DCAF17: variants seen among roughly 807,000 people sequenced by gnomAD.
DCAF17 encodes DDB1- and CUL4-associated factor 17.
Under a neutral mutation model 66.0 loss-of-function variants are expected in DCAF17, and 48 were observed. The observed-to-expected ratio is 0.73, with a 90% confidence interval of 0.58 to 0.92. The LOEUF is 0.92. DCAF17 is among the 40% of genes least tolerant of loss of function. DCAF17 has a pLI of 0.00. For synonymous variants in DCAF17, 206 were observed against 214.6 expected (o/e 0.96, Z 0.35); for missense variants, 562 against 622.8 (o/e 0.90, Z 1.04).
chr2:171,445,012 C>T (rs987150513), intron 3 of DCAF17, among the ~76,000 whole-genome samples: 12 of 152,050 alleles, frequency 7.9e-5, no homozygotes, highest in South Asian at 2.1e-4. Context: ...CAATTTAAAG[C>T]TTTTTGATCC....
At chr2:171,439,511 CTTTTTTT>C (rs374646610) in intron 2 of DCAF17, among the ~76,000 whole-genome samples, 9 of 94,768 alleles carry the variant, frequency 9.5e-5, no homozygotes, top group South Asian at 3.7e-4. Flanking sequence ...CTTTTTTTTC[CTTTTTTT>C]TTTTTTTTTT....
chr2:171,455,535 G>A (rs140018349), intron 6 of DCAF17, among the ~76,000 whole-genome samples: 1,806 of 152,312 alleles, frequency 0.012, 43 homozygotes, highest in African/African-American at 0.041. Context: ...ACCCAGTAAT[G>A]GGATTGCAGG....
At chr2:171,446,431 A>G (rs1441704985) in intron 3 of DCAF17, among the ~76,000 whole-genome samples, 3 of 152,060 alleles carry the variant, frequency 2.0e-5, no homozygotes, top group African/African-American at 7.2e-5. Context: ...CTGTAATCCC[A>G]GATACTCGGG....
Position 171,482,966 on chromosome 2 carries a change from T to C in DCAF17, c.*1852T>C, listed in dbSNP as rs1191323805. On this transcript the variant is annotated 3_prime_UTR_variant, in exon 14 of 14. Coordinates refer to ENST00000375255, the MANE Select transcript of DCAF17 (RefSeq NM_025000.4). ...AAAGACAGTAAGGAGTTGTGGGCAGTGTAACAAACAGGAGAGCTATGCCCC... is the reference window on the plus strand; with the variant it reads ...AAAGACAGTAAGGAGTTGTGGGCAGCGTAACAAACAGGAGAGCTATGCCCC... The C allele has an allele frequency of 1.1e-5, 5 of 454,110 alleles. No individual in the cohort carries two copies. The Admixed American group carries it at 1.2e-4, about 11-fold the overall frequency. 28.1% of individuals were successfully genotyped at this position (454,110 alleles called of 1,614,324 possible).
intron 8 of DCAF17, among the ~76,000 whole-genome samples, chr2:171,465,578 G>T (rs888210455): frequency 2.0e-5 from 3 of 152,082 alleles, no homozygotes; most frequent in African/African-American, 7.2e-5. Flanking sequence ...CCACTCCTTG[G>T]TTCAACCAAT....
intron 9 of DCAF17, among the ~76,000 whole-genome samples, chr2:171,471,708 A>T (rs1036171423): frequency 2.6e-5 from 4 of 152,206 alleles, no homozygotes; most frequent in African/African-American, 9.6e-5. Context: ...AATGTATTAC[A>T]TTCCAAAAAA....
At chr2:171,437,310 A>G (rs1011279118) in intron 2 of DCAF17, among the ~76,000 whole-genome samples, 5 of 152,176 alleles carry the variant, frequency 3.3e-5, no homozygotes, top group African/African-American at 9.7e-5. Context: ...ACATGCAGCT[A>G]TACATTTGTC....
At chr2:171,471,974 C>T (rs1035794485) in intron 9 of DCAF17, among the ~76,000 whole-genome samples, 10 of 152,050 alleles carry the variant, frequency 6.6e-5, no homozygotes, top group African/African-American at 2.4e-4. Context: ...GAGATCACAC[C>T]ACTGCACTCC....
intron 8 of DCAF17, among the ~76,000 whole-genome samples, chr2:171,462,350 G>A (rs1249593004): frequency 1.3e-5 from 2 of 152,144 alleles, no homozygotes; most frequent in African/African-American, 4.8e-5. Context: ...TCCTTAATAT[G>A]TGAAGGGTTC....
At chr2:171,441,176 G>A (rs984822602) in intron 2 of DCAF17, among the ~76,000 whole-genome samples, 6 of 152,152 alleles carry the variant, frequency 3.9e-5, no homozygotes, top group Admixed American at 3.3e-4. Context: ...TCCACACTCT[G>A]TTGCAAATAA....
At chr2:171,477,930 C>G in intron 11 of DCAF17, 57 bp from the exon 12 acceptor site, 1 of 1,461,348 alleles carries the variant, frequency 6.8e-7, no homozygotes, top group Non-Finnish European at 9.6e-7. Flanking sequence ...TACAGTTTTA[C>G]CTTTGACTGC....
intron 2 of DCAF17, among the ~76,000 whole-genome samples, chr2:171,441,405 G>C (rs902027193): frequency 2.0e-5 from 3 of 151,998 alleles, no homozygotes; most frequent in African/African-American, 7.3e-5. Flanking sequence ...TAGAACTACT[G>C]TTTTCTAAGG....
chr2:171,455,537 G>A lies in DCAF17; in HGVS notation c.627+2324G>A, dbSNP rs1002843577. Among the ~76,000 whole-genome samples, 11 of 152,208 alleles carry A rather than the reference G, an allele frequency of 7.2e-5. No individual in the cohort carries two copies. In the East Asian group the frequency reaches 7.7e-4, roughly 11 times the overall value. The stretch of plus-strand genomic sequence containing the variant: ...CCTTTGGATATATACCCAGTAATGG[G>A]ATTGCAGGGTTAAATGGTATTTCTG... On this transcript the variant is annotated intron_variant, in intron 6 of 13. Coordinates refer to ENST00000375255, the MANE Select transcript of DCAF17 (RefSeq NM_025000.4).
At chr2:171,477,082 T>C in intron 11 of DCAF17, 132 bp downstream of exon 11, 2 of 693,070 alleles carry the variant, frequency 2.9e-6, no homozygotes, top group Non-Finnish European at 5.0e-6. Flanking sequence ...GTACATTTTG[T>C]CTACATGGGT....
intron 10 of DCAF17, 72 bp downstream of exon 10, chr2:171,474,047 C>A: frequency 7.8e-7 from 1 of 1,277,506 alleles, no homozygotes; most frequent in Non-Finnish European, 1.1e-6. Context: ...TTTATTTTTG[C>A]CAGCGAACTA....
intron 5 of DCAF17, among the ~76,000 whole-genome samples, chr2:171,452,697 C>T (rs747472144): frequency 2.6e-5 from 4 of 152,192 alleles, no homozygotes; most frequent in African/African-American, 9.7e-5. Flanking sequence ...CTCCTAGCCT[C>T]AAGCGATCCT....
chr2:171,460,096 G>A lies in DCAF17; in HGVS notation c.838+1619G>A, dbSNP rs189464285. On this transcript the variant is annotated intron_variant, in intron 8 of 13. Coordinates refer to ENST00000375255, the MANE Select transcript of DCAF17 (RefSeq NM_025000.4). The stretch of plus-strand genomic sequence containing the variant: ...TTCCAGCACTTTGGGAGGCTGAGGC[G>A]GGTGGATCACGAGGTCAGGAGTTCG... Among the ~76,000 whole-genome samples the A allele has an allele frequency of 5.4e-3, 813 of 151,952 alleles. 2 individuals carry two copies. Among genetic ancestry groups the A allele is most frequent in the Non-Finnish European group, 9.2e-3 (626 of 67,938 alleles).
At position 171,482,217 on chromosome 2, in the gene DCAF17, G is replaced by C; in HGVS notation, c.*1103G>C. 1 of 453,562 alleles carries C rather than the reference G, an allele frequency of 2.2e-6. No individual in the cohort carries two copies. Among genetic ancestry groups the C allele is most frequent in the South Asian group, 1.6e-5 (1 of 64,250 alleles). 28.1% of individuals were successfully genotyped at this position (453,562 alleles called of 1,614,324 possible). A position where few individuals can be genotyped will look rare whatever the true frequency, so the allele number is the denominator to read the frequency against. On this transcript the variant is annotated 3_prime_UTR_variant, in exon 14 of 14. Transcript: ENST00000375255. Reference sequence around the variant, plus strand: ...TGAGAAATTCAGTTGCTTCCATTTCGCATGTTCTGCACATTTATCCGATGT... The same window carrying C: ...TGAGAAATTCAGTTGCTTCCATTTCCCATGTTCTGCACATTTATCCGATGT...
At chr2:171,458,640 C>T (rs555752961) in intron 8 of DCAF17, among the ~76,000 whole-genome samples, 163 bp downstream of exon 8, 9 of 152,276 alleles carry the variant, frequency 5.9e-5, no homozygotes, top group African/African-American at 1.7e-4. Context: ...GAATAAGCTT[C>T]GAGGAAAATC....
Sources: allele counts gnomAD v4.1 joint callset (sites outside exome capture counted in the v4.1 genomes callset), GRCh38; gene constraint gnomAD v4.1.1; transcripts MANE v1.5; gene names NCBI Gene and HGNC (gene_info 2026-07-23, HGNC 2026-07-21).